Variants in GADD45G observed in about 807,000 individuals in gnomAD.
GADD45G encodes growth arrest and DNA damage inducible gamma.
Under a neutral mutation model 17.3 loss-of-function variants are expected in GADD45G, and 7 were observed. That is an observed-to-expected ratio of 0.41 (90% confidence interval 0.23 to 0.76). The LOEUF (loss-of-function observed/expected upper bound fraction) is 0.76, where lower values mean the gene tolerates loss of function less well. Among genes scored for constraint, GADD45G ranks in the 30% least tolerant of loss-of-function variants. The pLI is 0.34. For missense variants in GADD45G, 149 were observed against 219.2 expected (o/e 0.68, Z 2.02); for synonymous variants, 93 against 94.9 (o/e 0.98, Z 0.12).
chr9:89,605,854 G>A lies in GADD45G; in HGVS notation c.343G>A (p.Gly115Ser). The change falls in exon 3 of 4, where the codon GGC (glycine) becomes AGC (serine). Residue 115 changes from glycine (G) to serine (S), a missense_variant. Coordinates refer to ENST00000252506, the MANE Select transcript of GADD45G (RefSeq NM_006705.4). ...CGCCGGCGAGGAGGCGGGTGCGCCG[G>A]GCGACCTGCACTGCATCCTCATTTC... ...VGAGEEAGAPGDLHCILISNP... is the reference protein window; with the variant it reads ...VGAGEEAGAPSDLHCILISNP... 6.2e-7 allele frequency: 1 copy of A among 1,612,270 alleles called. No homozygotes were observed. Among genetic ancestry groups the A allele is most frequent in the Non-Finnish European group, 8.5e-7 (1 of 1,179,334 alleles).
At chr9:89,605,335 G>T in intron 1 of GADD45G, 97 bp from the exon 2 acceptor site, 2 of 1,099,412 alleles carry the variant, frequency 1.8e-6, no homozygotes, top group Non-Finnish European at 1.3e-6. Context: ...GAGTGTGGTT[G>T]GAGTTGGGGA....
chr9:89,605,361 C>A (rs909597180), intron 1 of GADD45G, 71 bp from the exon 2 acceptor site: 2 of 1,205,136 alleles, frequency 1.7e-6, no homozygotes, highest in Non-Finnish European at 2.4e-6. Flanking sequence ...GGGTGTGTGC[C>A]GGTGGCCGGG....
Position 89,606,367 on chromosome 9 carries a change from C to G in GADD45G, c.*288C>G. On this transcript the variant is annotated 3_prime_UTR_variant, in exon 4 of 4. Coordinates refer to ENST00000252506, the MANE Select transcript of GADD45G (RefSeq NM_006705.4). ...TCAGGGCCAGGAAGGACAGACTGGCCGGGCAGGCGTGACTCAGCAGCCTGC... is the reference window on the plus strand; with the variant it reads ...TCAGGGCCAGGAAGGACAGACTGGCGGGGCAGGCGTGACTCAGCAGCCTGC... 6.4e-6 allele frequency: 3 copies of G among 467,802 alleles called. No individual in the cohort carries two copies. Among genetic ancestry groups the G allele is most frequent in the Non-Finnish European group, 1.2e-5 (3 of 259,426 alleles). 29.0% of individuals were successfully genotyped at this position (467,802 alleles called of 1,614,324 possible). A position where few individuals can be genotyped will look rare whatever the true frequency, so the allele number is the denominator to read the frequency against.
At position 89,606,136 on chromosome 9, in the gene GADD45G, C is replaced by A; in HGVS notation, c.*57C>A. ...TGGTGACGCCCCGGGGCGCCTAGAG[C>A]GCGGCTGGCTCTGTGGAGGGGCCCT... On this transcript the variant is annotated 3_prime_UTR_variant, in exon 4 of 4. Coordinates refer to ENST00000252506, the MANE Select transcript of GADD45G (RefSeq NM_006705.4). The A allele has an allele frequency of 3.0e-6, 4 of 1,342,566 alleles. No homozygotes were observed. Among genetic ancestry groups the A allele is most frequent in the Non-Finnish European group, 4.2e-6 (4 of 954,510 alleles). 83.2% of individuals were successfully genotyped at this position (1,342,566 alleles called of 1,614,324 possible).
Position 89,605,682 on chromosome 9 carries a change from G to T in GADD45G, c.171G>T (p.Val57=). Residue 57 remains valine (V), a synonymous_variant, in exon 3 of 4, where the codon GTG becomes GTT. Transcript: ENST00000252506. ...AKVLNVDPDN[V]TFCVLAAGEE... The stretch of plus-strand genomic sequence containing the variant: ...GCCCTCGCAGGGACCCCGACAATGT[G>T]ACCTTCTGTGTGCTGGCTGCGGGTG... 1 of 1,614,030 alleles carries T rather than the reference G, an allele frequency of 6.2e-7. No individual in the cohort carries two copies. Among genetic ancestry groups the T allele is most frequent in the Non-Finnish European group, 8.5e-7 (1 of 1,179,994 alleles).
intron 1 of GADD45G, 91 bp from the exon 2 acceptor site, chr9:89,605,341 G>T: frequency 9.0e-7 from 1 of 1,111,670 alleles, no homozygotes; most frequent in Non-Finnish European, 1.3e-6. Flanking sequence ...GGTTGGAGTT[G>T]GGGAGCCAAG....
rs138848476 is a variant in GADD45G, at chr9:89,605,829, C to A, written c.318C>A (p.Gly106=). ...TGCAGCGGCTGGCGGCTATCGTGGG[C>A]GCCGGCGAGGAGGCGGGTGCGCCGG... is the stretch of plus-strand genomic sequence containing the variant. ...GDVQRLAAIV[G]AGEEAGAPGD... The change falls in exon 3 of 4, where the codon GGC becomes GGA. Residue 106 remains glycine, a synonymous_variant. Coordinates refer to ENST00000252506, the MANE Select transcript of GADD45G (RefSeq NM_006705.4). The A allele has an allele frequency of 6.6e-5, 107 of 1,613,282 alleles. 1 individual carries two copies. The African/African-American group carries it at 1.1e-3, about 17-fold the overall frequency.
At chr9:89,605,350 A>G (rs918876493) in intron 1 of GADD45G, 82 bp from the exon 2 acceptor site, 7 of 1,157,592 alleles carry the variant, frequency 6.0e-6, no homozygotes, top group Admixed American at 2.0e-5. Context: ...TGGGGAGCCA[A>G]GGGTGTGTGC....
chr9:89,605,869 A>C lies in GADD45G; in HGVS notation c.358A>C (p.Ile120Leu), dbSNP rs1827516133. The change falls in exon 3 of 4, where the codon ATC (isoleucine) becomes CTC (leucine). Residue 120 changes from isoleucine to leucine, a missense_variant. Physicochemically the swap from Ile to Leu is conservative, Grantham distance 5. Coordinates refer to ENST00000252506, the MANE Select transcript of GADD45G (RefSeq NM_006705.4). ...GGGTGCGCCGGGCGACCTGCACTGC[A>C]TCCTCATTTCGGTGAGTACAGTCCC... ...EAGAPGDLHC[I>L]LISNPNEDAW... 5 of 1,610,718 alleles carry C rather than the reference A, an allele frequency of 3.1e-6. 1 individual carries two copies. In the South Asian group the frequency reaches 5.5e-5, roughly 18 times the overall value.
rs377489263 is a variant in GADD45G, at chr9:89,605,160, G to C, written c.39G>C (p.Pro13=). 1 of 1,613,744 alleles carries C rather than the reference G, an allele frequency of 6.2e-7. No individual in the cohort carries two copies. Among genetic ancestry groups the C allele is most frequent in the South Asian group, 1.1e-5 (1 of 91,058 alleles). ...AAGTCCGCGGCCAGGACACAGTTCC[G>C]GAAAGCACAGCCAGGTGGGTTTCAG... ...LEEVRGQDTV[P]ESTARMQGAG... The change falls in exon 1 of 4, where the codon CCG becomes CCC. Residue 13 remains proline (P), a synonymous_variant. Transcript: ENST00000252506.
chr9:89,605,919 T>A, intron 3 of GADD45G, 39 bp downstream of exon 3: 1 of 1,588,262 alleles, frequency 6.3e-7, no homozygotes, highest in Non-Finnish European at 8.6e-7. Context: ...CCAGTGTCGT[T>A]CCCGCCTCGG....
rs987358037 is a variant in GADD45G at position 89,605,328 on chromosome 9, T to C, written c.54-104T>C. On this transcript the variant is annotated intron_variant, in intron 1 of 3. Transcript: ENST00000252506. The stretch of plus-strand genomic sequence containing the variant: ...TGCAGGCGCTGAGCCGGGATTGGAG[T>C]GTGGTTGGAGTTGGGGAGCCAAGGG... The C allele has an allele frequency of 9.1e-6, 10 of 1,096,408 alleles. No individual in the cohort carries two copies. The African/African-American group carries it at 1.4e-4, about 15-fold the overall frequency. 67.9% of individuals were successfully genotyped at this position (1,096,408 alleles called of 1,614,324 possible). A position where few individuals can be genotyped will look rare whatever the true frequency, so the allele number is the denominator to read the frequency against.
rs112620591 is a variant in GADD45G at position 89,606,199 on chromosome 9, G to T, written c.*120G>T. The T allele has an allele frequency of 2.1e-5, 15 of 720,364 alleles. No individual in the cohort carries two copies. The highest frequency in any genetic ancestry group is 1.9e-4 in the African/African-American group (10 of 52,712). The allele number at this position is 720,364 out of a possible 1,614,324, so 44.6% of individuals were successfully genotyped here. A position where few individuals can be genotyped will look rare whatever the true frequency, so the allele number is the denominator to read the frequency against. On this transcript the variant is annotated 3_prime_UTR_variant, in exon 4 of 4. Coordinates refer to ENST00000252506, the MANE Select transcript of GADD45G (RefSeq NM_006705.4). ...GAGTGCGGCGTGGAGACTGGCAGGC[G>T]GGGGGGGCGCCTGGAGAGCGAGGAG...
intron 1 of GADD45G, 73 bp downstream of exon 1, chr9:89,605,247 G>C (rs1827501487): frequency 7.2e-7 from 1 of 1,382,992 alleles, no homozygotes; most frequent in Non-Finnish European, 1.0e-6. Flanking sequence ...GGGAATCCGC[G>C]GGGTAGGAGG....
intron 1 of GADD45G, 72 bp downstream of exon 1, chr9:89,605,246 C>T: frequency 4.2e-6 from 6 of 1,432,728 alleles, no homozygotes; most frequent in Middle Eastern, 1.8e-4. Flanking sequence ...TGGGAATCCG[C>T]GGGGTAGGAG....
chr9:89,605,591 C>G (rs1448783972), intron 2 of GADD45G, 58 bp downstream of exon 2: 3 of 1,566,266 alleles, frequency 1.9e-6, no homozygotes, highest in Non-Finnish European at 2.6e-6. Context: ...GGCGAGGAGA[C>G]TGGCGGATGG....
Position 89,605,415 on chromosome 9 carries a change from C to A in GADD45G, c.54-17C>A. The A allele has an allele frequency of 1.3e-6, 2 of 1,537,108 alleles. No individual in the cohort carries two copies. The highest frequency in any genetic ancestry group is 1.8e-6 in the Non-Finnish European group (2 of 1,136,742). ...CCCTCCGGCCGGCTCCCGCTCACTG[C>A]GCTGGCTCCTCCGCAGGATGCAGGG... On this transcript the variant is annotated splice_polypyrimidine_tract_variant and intron_variant, in intron 1 of 3. Coordinates refer to ENST00000252506, the MANE Select transcript of GADD45G (RefSeq NM_006705.4).
chr9:89,605,346 G>A (rs779958205), intron 1 of GADD45G, 86 bp from the exon 2 acceptor site: 105 of 1,152,206 alleles, frequency 9.1e-5, no homozygotes, highest in Admixed American at 7.8e-4. Context: ...GAGTTGGGGA[G>A]CCAAGGGTGT....
In GADD45G at chr9:89,605,759, C is replaced by T; in HGVS notation, c.248C>T (p.Ala83Val). 6.2e-7 allele frequency: 1 copy of T among 1,614,050 alleles called. No homozygotes were observed. Reference protein sequence around the residue: ...ALQIHFTLIQAFCCENDIDIV... With the variant: ...ALQIHFTLIQVFCCENDIDIV... The stretch of plus-strand genomic sequence containing the variant: ...CAGATCCATTTTACGCTGATCCAGG[C>T]TTTCTGCTGCGAGAACGACATCGAC... The change falls in exon 3 of 4, where the codon GCT becomes GTT. Residue 83 changes from alanine (A) to valine (V), a missense_variant. By Grantham distance (64) the Ala-to-Val change is moderately conservative. Coordinates refer to ENST00000252506, the MANE Select transcript of GADD45G (RefSeq NM_006705.4).
Sources: gnomAD v4.1 joint callset for allele counts on GRCh38, gnomAD v4.1.1 for gene constraint, MANE v1.5 for transcripts, NCBI Gene and HGNC (gene_info 2026-07-23, HGNC 2026-07-21) for gene names.